The following INPP5F variants were observed in gnomAD, a reference collection of about 807,000 sequenced individuals.
The protein encoded by INPP5F is inositol polyphosphate-5-phosphatase F, also known as phosphatidylinositide 4-phosphatase SAC2.
A neutral mutation model predicts 137.2 loss-of-function variants in INPP5F; 97 were observed. That is an observed-to-expected ratio of 0.71 (90% confidence interval 0.60 to 0.84). The LOEUF (loss-of-function observed/expected upper bound fraction) is 0.84. Among genes scored for constraint, INPP5F ranks in the 40% least tolerant of loss-of-function variants. INPP5F has a pLI of 0.00. For missense variants in INPP5F, 1,271 were observed against 1,371.9 expected (o/e 0.93, Z 1.16); for synonymous variants, 504 against 476.9 (o/e 1.06, Z -0.74).
At chr10:119,776,524 A>G (rs567309995) in intron 2 of INPP5F, among the ~76,000 whole-genome samples, 296 of 152,234 alleles carry the variant, frequency 1.9e-3, no homozygotes, top group Non-Finnish European at 3.1e-3. Context: ...TAGATGGTTT[A>G]TTGGAAAGAT....
intron 6 of INPP5F, among the ~76,000 whole-genome samples, chr10:119,794,691 G>T (rs973279821): frequency 1.4e-5 from 2 of 145,984 alleles, no homozygotes; most frequent in South Asian, 2.2e-4. Context: ...CTGGCCAGGC[G>T]GGGGGCTGAC....
intron 17 of INPP5F, 46 bp from the exon 18 acceptor site, chr10:119,823,025 G>GT: frequency 6.5e-7 from 1 of 1,542,516 alleles, no homozygotes; most frequent in Non-Finnish European, 8.8e-7. Context: ...AGAAGAAAAT[G>GT]TTATGTGAAA....
rs999018057 is a variant in INPP5F at position 119,740,825 on chromosome 10, G to A, written c.98-10251G>A. Among the ~76,000 whole-genome samples, 5 of 152,222 alleles carry A rather than the reference G, an allele frequency of 3.3e-5. No individual in the cohort carries two copies. In the South Asian group the frequency reaches 8.3e-4, roughly 25 times the overall value. ...CAAAGTGCTGGGATTACAGGCGCGA[G>A]CCACTGTGCCCGGCCCCATACTTTT... On this transcript the variant is annotated intron_variant, in intron 1 of 19. Transcript: ENST00000650623.
At chr10:119,789,111 G>A (rs1371691762) in intron 3 of INPP5F, among the ~76,000 whole-genome samples, 1 of 151,990 alleles carries the variant, frequency 6.6e-6, no homozygotes, top group Non-Finnish European at 1.5e-5. Flanking sequence ...TGTAATCCCA[G>A]CTACTCGGGA....
At chr10:119,737,550 C>A (rs1176557940) in intron 1 of INPP5F, among the ~76,000 whole-genome samples, 1 of 152,162 alleles carries the variant, frequency 6.6e-6, no homozygotes, top group Non-Finnish European at 1.5e-5. Flanking sequence ...GCACTGATAA[C>A]CCTGAATTAG....
chr10:119,766,123 C>A (rs1472235536), intron 2 of INPP5F, among the ~76,000 whole-genome samples: 2 of 152,006 alleles, frequency 1.3e-5, no homozygotes, highest in Non-Finnish European at 1.5e-5. Flanking sequence ...ACCAGGAGCA[C>A]TGATGTCTGC....
In INPP5F at chr10:119,764,575, A is replaced by T. The variant is rs143017365; in HGVS notation, c.178+13419A>T. Among the ~76,000 whole-genome samples the T allele has an allele frequency of 5.6e-4, 84 of 150,020 alleles. 1 individual carries two copies. The East Asian group carries it at 0.015, about 27-fold the overall frequency. ...GTAGTAAATACATTTTCTCTTCCTT[A>T]TGGTTTTCTTTTTTTTTTTTTTTGA... On this transcript the variant is annotated intron_variant, in intron 2 of 19. Coordinates refer to ENST00000650623, the MANE Select transcript of INPP5F (RefSeq NM_014937.4).
At position 119,796,905 on chromosome 10, in the gene INPP5F, A is replaced by G. The variant is rs1446991358; in HGVS notation, c.860A>G (p.His287Arg). The G allele has an allele frequency of 6.2e-7, 1 of 1,613,934 alleles. No homozygotes were observed. Among genetic ancestry groups the G allele is most frequent in the South Asian group, 1.1e-5 (1 of 91,056 alleles). ...LVALISRRSR[H>R]RAGMRYKRRG... ...GCTCTCATTTCACGCCGAAGTAGGC[A>G]CAGAGCAGGTGAGTGGAGGGCTGTA... Residue 287 changes from histidine (H) to arginine (R), a missense_variant, in exon 7 of 20, where the codon CAC becomes CGC. By Grantham distance (29) the His-to-Arg change is conservative. Transcript: ENST00000650623.
chr10:119,745,699 CTTTTTTTTTTT>C (rs35485618), intron 1 of INPP5F, among the ~76,000 whole-genome samples: 30 of 90,544 alleles, frequency 3.3e-4, no homozygotes, highest in African/African-American at 7.3e-4. Context: ...AGGCTCATTC[CTTTTTTTTTTT>C]TTTTTTTTTT....
chr10:119,761,699 A>G (rs1301214393), intron 2 of INPP5F, among the ~76,000 whole-genome samples: 2 of 151,966 alleles, frequency 1.3e-5, no homozygotes, highest in East Asian at 1.9e-4. Context: ...CATAAAACCT[A>G]CTTTATAGAC....
At chr10:119,740,595 T>G (rs2134109998) in intron 1 of INPP5F, among the ~76,000 whole-genome samples, 1 of 152,292 alleles carries the variant, frequency 6.6e-6, no homozygotes, top group Admixed American at 6.5e-5. Context: ...CAGGCTGGAG[T>G]GCAGTGGTGC....
Position 119,827,900 on chromosome 10 carries a change from G to GT in INPP5F, c.*124dup. The GT allele has an allele frequency of 2.5e-6, 2 of 800,996 alleles. No homozygotes were observed. The highest frequency in any genetic ancestry group is 3.9e-6 in the Non-Finnish European group (2 of 512,456). 49.6% of individuals were successfully genotyped at this position (800,996 alleles called of 1,614,324 possible). On this transcript the variant is annotated 3_prime_UTR_variant, in exon 20 of 20. Transcript: ENST00000650623. Reference sequence around the variant, plus strand: ...TCACAAATTCTGTTCATTGGAAAGGGTTTTAAACGGAGTCGGAACCTGAGT... The same window carrying GT: ...TCACAAATTCTGTTCATTGGAAAGGGTTTTTAAACGGAGTCGGAACCTGAGT...
At chr10:119,800,794 A>G (rs550504559) in intron 9 of INPP5F, among the ~76,000 whole-genome samples, 2 of 152,096 alleles carry the variant, frequency 1.3e-5, no homozygotes, top group East Asian at 3.9e-4. Flanking sequence ...TACTAAAAAT[A>G]CAAAAATTAG....
chr10:119,726,395 C>T lies in INPP5F; in HGVS notation c.97+36C>T, dbSNP rs530126218. On this transcript the variant is annotated intron_variant, in intron 1 of 19. Coordinates refer to ENST00000650623, the MANE Select transcript of INPP5F (RefSeq NM_014937.4). ...CGGTGCGGGCGGGGGGCACCCCGGG[C>T]CAGGGCGGGGAGAGGAGGGGGCGCG... The T allele has an allele frequency of 2.3e-4, 281 of 1,218,630 alleles. 1 individual carries two copies. In the East Asian group the frequency reaches 9.3e-3, roughly 40 times the overall value. The allele number at this position is 1,218,630 out of a possible 1,614,324, so 75.5% of individuals were successfully genotyped here. A position where few individuals can be genotyped will look rare whatever the true frequency, so the allele number is the denominator to read the frequency against.
chr10:119,770,409 G>T, intron 2 of INPP5F, among the ~76,000 whole-genome samples: 1 of 152,170 alleles, frequency 6.6e-6, no homozygotes. Flanking sequence ...AAATTGTACT[G>T]TGAAATTAGG....
chr10:119,808,352 A>T (rs757684544), intron 13 of INPP5F, among the ~76,000 whole-genome samples: 16 of 152,178 alleles, frequency 1.1e-4, no homozygotes, highest in Admixed American at 9.2e-4. Context: ...AGAATTTTAT[A>T]TGAAATGGTT....
intron 9 of INPP5F, among the ~76,000 whole-genome samples, chr10:119,800,555 CAAAA>C (rs200774789): frequency 9.7e-6 from 1 of 103,466 alleles, no homozygotes; most frequent in Non-Finnish European, 2.0e-5. Context: ...GATTCCATCT[CAAAA>C]AAAAAAAACA....
intron 11 of INPP5F, among the ~76,000 whole-genome samples, chr10:119,805,904 G>A (rs1481957179): frequency 1.3e-5 from 2 of 152,198 alleles, no homozygotes; most frequent in Non-Finnish European, 2.9e-5. Flanking sequence ...TTGATTAGAT[G>A]TTAAGACTAC....
chr10:119,795,430 A>G (rs1418557330), intron 6 of INPP5F, among the ~76,000 whole-genome samples: 4 of 134,756 alleles, frequency 3.0e-5, no homozygotes, highest in Admixed American at 2.9e-4. Context: ...CGCTCCTCAC[A>G]TCCCAGATGG....
Sources: gnomAD v4.1 joint callset for allele counts (sites outside exome capture counted in the v4.1 genomes callset) on GRCh38, gnomAD v4.1.1 for gene constraint, MANE v1.5 for transcripts, NCBI Gene and HGNC (gene_info 2026-07-23, HGNC 2026-07-21) for gene names.